LMBR1: variants seen among roughly 807,000 people sequenced by gnomAD.
LMBR1 encodes limb development membrane protein 1, also known as limb region 1 protein homolog.
Under a neutral mutation model 73.9 loss-of-function variants are expected in LMBR1, and 52 were observed. That is an observed-to-expected ratio of 0.70 (90% CI 0.56 to 0.89). The LOEUF (loss-of-function observed/expected upper bound fraction) is 0.89. LMBR1 is among the 40% of genes least tolerant of loss of function. LMBR1 has a pLI of 0.00. For missense variants in LMBR1, 539 were observed against 579.8 expected (o/e 0.93, Z 0.72); for synonymous variants, 215 against 209.4 (o/e 1.03, Z -0.23).
At chr7:156,834,295 T>A (rs961585291) in intron 2 of LMBR1, among the ~76,000 whole-genome samples, 3 of 152,160 alleles carry the variant, frequency 2.0e-5, no homozygotes, top group African/African-American at 7.2e-5. Context: ...CAGTAACTCA[T>A]AATTATTGTT....
intron 15 of LMBR1, among the ~76,000 whole-genome samples, chr7:156,693,851 C>T (rs1166798564): frequency 6.6e-6 from 1 of 152,220 alleles, no homozygotes; most frequent in Admixed American, 6.5e-5. Flanking sequence ...AAGAAAACTA[C>T]AGGGCAGTAT....
intron 9 of LMBR1, among the ~76,000 whole-genome samples, chr7:156,754,028 C>T (rs966150634): frequency 1.3e-5 from 2 of 152,128 alleles, no homozygotes; most frequent in Non-Finnish European, 2.9e-5. Context: ...AATTCATCTA[C>T]ACAATATCTA....
chr7:156,789,012 A>C (rs1828699028), intron 5 of LMBR1, among the ~76,000 whole-genome samples: 1 of 152,192 alleles, frequency 6.6e-6, no homozygotes, highest in Non-Finnish European at 1.5e-5. Context: ...TCGCCATTGC[A>C]CTCCAGCCTG....
intron 15 of LMBR1, among the ~76,000 whole-genome samples, chr7:156,701,145 A>C (rs971282112): frequency 6.6e-6 from 1 of 152,234 alleles, no homozygotes. Flanking sequence ...GGGTGGGGAC[A>C]CAGCCACACC....
intron 12 of LMBR1, 94 bp from the exon 13 acceptor site, chr7:156,725,931 T>G (rs945161334): frequency 2.2e-6 from 2 of 902,486 alleles, no homozygotes; most frequent in Non-Finnish European, 3.5e-6. Flanking sequence ...CAGTTGAAAT[T>G]ATGAATGTTT....
chr7:156,776,330 C>T (rs554990791), intron 5 of LMBR1, among the ~76,000 whole-genome samples: 7 of 152,084 alleles, frequency 4.6e-5, no homozygotes, highest in Non-Finnish European at 7.4e-5. Context: ...ATCTACAAAC[C>T]TATAAGAAGC....
chr7:156,891,190 CAA>C (rs58107543), intron 1 of LMBR1, among the ~76,000 whole-genome samples: 34 of 20,644 alleles, frequency 1.6e-3, no homozygotes, highest in East Asian at 5.8e-3. Context: ...GACTCCATCA[CAA>C]AAAAAAAAAA....
intron 9 of LMBR1, among the ~76,000 whole-genome samples, chr7:156,751,238 G>A (rs1011688812): frequency 5.0e-4 from 76 of 152,282 alleles, no homozygotes; most frequent in African/African-American, 1.8e-3. Flanking sequence ...CAGGAAAGGG[G>A]AAGCGTAGAG....
Position 156,681,224 on chromosome 7 carries a change from C to T in LMBR1, c.*2854G>A, listed in dbSNP as rs929355715. On this transcript the variant is annotated 3_prime_UTR_variant, in exon 17 of 17. Transcript: ENST00000353442. ...TCATCACTGAGGCTGCAGGGAGGGC[C>T]ATGGGCACCCAGCAGATGGGGAGGC... 4.5e-6 allele frequency: 2 copies of T among 444,630 alleles called. No homozygotes were observed. Among genetic ancestry groups the T allele is most frequent in the Admixed American group, 2.6e-5 (1 of 38,384 alleles). 27.5% of individuals were successfully genotyped at this position (444,630 alleles called of 1,614,324 possible).
At chr7:156,881,044 GAGAA>G (rs769048056) in intron 1 of LMBR1, among the ~76,000 whole-genome samples, 6 of 152,084 alleles carry the variant, frequency 3.9e-5, no homozygotes, top group Non-Finnish European at 8.8e-5. Flanking sequence ...AATTAATCTG[GAGAA>G]AGAACAAAGT....
intron 1 of LMBR1, among the ~76,000 whole-genome samples, chr7:156,849,725 T>C (rs1371553519): frequency 1.3e-5 from 2 of 152,176 alleles, no homozygotes; most frequent in Non-Finnish European, 1.5e-5. Context: ...TTAAGGACAG[T>C]GAAACTATTC....
At chr7:156,872,624 G>T (rs183032512) in intron 1 of LMBR1, among the ~76,000 whole-genome samples, 2 of 151,164 alleles carry the variant, frequency 1.3e-5, no homozygotes, top group East Asian at 3.9e-4. Flanking sequence ...TCCAGCCTGG[G>T]TAACAAGAGC....
intron 4 of LMBR1, among the ~76,000 whole-genome samples, chr7:156,802,034 G>C (rs965109449): frequency 2.6e-5 from 4 of 151,912 alleles, no homozygotes; most frequent in African/African-American, 9.7e-5. Context: ...CCAGGCTGGA[G>C]TGCAATGGCG....
chr7:156,883,510 T>C (rs1801413829), intron 1 of LMBR1, among the ~76,000 whole-genome samples: 1 of 152,164 alleles, frequency 6.6e-6, no homozygotes, highest in Admixed American at 6.5e-5. Flanking sequence ...TGGTAAGATA[T>C]ACAGGGACAG....
In LMBR1 at chr7:156,725,833, G is replaced by C. The variant is rs1227413131; in HGVS notation, c.998C>G (p.Pro333Arg). Residue 333 changes from proline to arginine, a missense_variant, in exon 13 of 17, where the codon CCT becomes CGT. By Grantham distance (103) the Pro-to-Arg change is moderately radical. Around this residue, in one of 3 missense-constraint regions of LMBR1, gnomAD observed 454 missense variants for 473.4 expected, o/e 0.96. Coordinates refer to ENST00000353442, the MANE Select transcript of LMBR1 (RefSeq NM_022458.4). ...ETAMPKGTRG[P>R]GIGNASLSTF... ...AGAAAGAGAGGCATTTCCTATTCCA[G>C]GCCCCTGGGGTGGGAGAAAGACACT... 1 of 1,612,418 alleles carries C rather than the reference G, an allele frequency of 6.2e-7. No homozygotes were observed. The highest frequency in any genetic ancestry group is 1.7e-5 in the Admixed American group (1 of 59,692).
intron 1 of LMBR1, among the ~76,000 whole-genome samples, chr7:156,849,803 C>G (rs117414980): frequency 6.6e-6 from 1 of 152,172 alleles, no homozygotes; most frequent in Non-Finnish European, 1.5e-5. Flanking sequence ...TGTACACCAC[C>G]AGAGTGAACA....
chr7:156,795,507 A>G (rs1303167232), intron 5 of LMBR1, among the ~76,000 whole-genome samples: 3 of 152,150 alleles, frequency 2.0e-5, no homozygotes, highest in African/African-American at 7.2e-5. Context: ...TATGTTTCCA[A>G]AATTCTACAG....
downstream of LMBR1, chr7:156,676,639 A>T (rs1375705327): frequency 1.2e-6 from 2 of 1,613,600 alleles, no homozygotes; most frequent in East Asian, 2.2e-5. Flanking sequence ...TACCAGAAGA[A>T]GATTCTTGAA....
intron 5 of LMBR1, among the ~76,000 whole-genome samples, chr7:156,768,108 G>A (rs1353763850): frequency 6.6e-6 from 1 of 152,118 alleles, no homozygotes. Context: ...AAACGAGGCT[G>A]GGCACAGTGG....
Sources: allele counts gnomAD v4.1 joint callset (sites outside exome capture counted in the v4.1 genomes callset), GRCh38; gene constraint gnomAD v4.1.1; regional missense constraint gnomAD v4.1.1; transcripts MANE v1.5; gene names NCBI Gene and HGNC (gene_info 2026-07-23, HGNC 2026-07-21).